Variants in DYM observed in about 807,000 individuals in gnomAD.
DYM encodes the protein dymeclin.
In DYM, 78 loss-of-function variants were observed where a neutral mutation model predicts 93.1. The observed-to-expected ratio is 0.84, with a 90% CI of 0.70 to 1.01. DYM has a LOEUF of 1.01. Among genes scored for constraint, DYM ranks in the 50% least tolerant of loss-of-function variants. DYM has a pLI of 0.00. For missense variants in DYM, 789 were observed against 845.0 expected, an observed-to-expected ratio of 0.93 and a Z score of 0.82; for synonymous variants, 321 against 319.7, an observed-to-expected ratio of 1.00 and a Z score of -0.04.
intron 3 of DYM, among the ~76,000 whole-genome samples, 172 bp from the exon 4 acceptor site, chr18:49,379,930 G>C (rs372316576): frequency 1.3e-5 from 2 of 152,022 alleles, no homozygotes. Flanking sequence ...TGCTGCTCTT[G>C]GTCTTAATTC....
chr18:49,424,490 A>C (rs1290006553), intron 2 of DYM, among the ~76,000 whole-genome samples: 1 of 152,058 alleles, frequency 6.6e-6, no homozygotes, highest in Non-Finnish European at 1.5e-5. Context: ...CTGGCACAGG[A>C]CAGGGATGCC....
chr18:49,173,310 T>C (rs2088981171), intron 14 of DYM, among the ~76,000 whole-genome samples: 1 of 152,118 alleles, frequency 6.6e-6, no homozygotes, highest in Admixed American at 6.6e-5. Flanking sequence ...CTTTGTATAA[T>C]ATTGAATCAA....
chr18:49,358,586 T>C (rs1372851689), intron 6 of DYM, among the ~76,000 whole-genome samples: 1 of 152,216 alleles, frequency 6.6e-6, no homozygotes, highest in Non-Finnish European at 1.5e-5. Context: ...TAGATTAAAT[T>C]ATAATTGACA....
intron 2 of DYM, among the ~76,000 whole-genome samples, chr18:49,392,704 AAAAAAAG>A (rs1342940135): frequency 2.0e-5 from 3 of 147,124 alleles, no homozygotes; most frequent in Admixed American, 2.0e-4. Context: ...AAAAAAAAAA[AAAAAAAG>A]AGGCCAGGCG....
chr18:49,099,063 T>C (rs1382726474), intron 16 of DYM, among the ~76,000 whole-genome samples: 1 of 152,318 alleles, frequency 6.6e-6, no homozygotes, highest in Middle Eastern at 3.4e-3. Context: ...TATGGGTCAA[T>C]CTAACACCTA....
chr18:49,420,771 G>A (rs1475777182), intron 2 of DYM, among the ~76,000 whole-genome samples: 1 of 152,144 alleles, frequency 6.6e-6, no homozygotes, highest in Non-Finnish European at 1.5e-5. Flanking sequence ...GCCAAGGGAA[G>A]CCGTGACAGA....
intron 15 of DYM, among the ~76,000 whole-genome samples, chr18:49,134,722 C>A (rs1464818405): frequency 2.6e-5 from 4 of 152,146 alleles, no homozygotes; most frequent in Non-Finnish European, 5.9e-5. Flanking sequence ...GAATAGATAC[C>A]AAGGACATAA....
intron 6 of DYM, 29 bp from the exon 7 acceptor site, chr18:49,333,882 T>C: frequency 6.3e-7 from 1 of 1,592,046 alleles, no homozygotes; most frequent in Non-Finnish European, 8.6e-7. Flanking sequence ...AGAGTAACAG[T>C]CACTTTGGAA....
At chr18:49,211,421 C>G (rs1180285064) in intron 13 of DYM, among the ~76,000 whole-genome samples, 1 of 152,126 alleles carries the variant, frequency 6.6e-6, no homozygotes, top group Non-Finnish European at 1.5e-5. Context: ...GTGAACATAT[C>G]TGATATGTCT....
chr18:49,156,619 C>G (rs917253443), intron 15 of DYM, among the ~76,000 whole-genome samples: 37 of 151,280 alleles, frequency 2.4e-4, no homozygotes, highest in South Asian at 1.7e-3. Flanking sequence ...ATAGTCCCAG[C>G]TACTTGGGAG....
At chr18:49,298,307 C>T (rs930195274) in intron 8 of DYM, among the ~76,000 whole-genome samples, 11 of 152,250 alleles carry the variant, frequency 7.2e-5, no homozygotes, top group African/African-American at 2.2e-4. Flanking sequence ...TGGCTGGGTG[C>T]GGTGGCTCAT....
At chr18:49,310,380 A>G (rs1346917447) in intron 8 of DYM, among the ~76,000 whole-genome samples, 2 of 152,224 alleles carry the variant, frequency 1.3e-5, no homozygotes, top group Non-Finnish European at 2.9e-5. Context: ...TTACTTTAAT[A>G]AAGTATAAAA....
chr18:49,193,638 A>G (rs1281484035), intron 14 of DYM, among the ~76,000 whole-genome samples: 1 of 152,226 alleles, frequency 6.6e-6, no homozygotes, highest in East Asian at 1.9e-4. Context: ...ACTGAGAATA[A>G]TTCACTAAGC....
At chr18:49,125,879 T>C (rs1243332795) in intron 15 of DYM, among the ~76,000 whole-genome samples, 1 of 152,214 alleles carries the variant, frequency 6.6e-6, no homozygotes. Flanking sequence ...CTCGCCAGTC[T>C]TCAGTCTATT....
rs1254358065 is a variant in DYM, at chr18:49,036,414, G to T, written c.*7641C>A. On this transcript the variant is annotated 3_prime_UTR_variant, in exon 18 of 18. Transcript: ENST00000675505. ...CAAAATCTAAAAACAACTTTAATGA[G>T]GCATACTTAATATATAAAACTGCAC... Among the ~76,000 whole-genome samples, 4 of 150,860 alleles carry T rather than the reference G, an allele frequency of 2.7e-5. No individual in the cohort carries two copies. Among genetic ancestry groups the T allele is most frequent in the African/African-American group, 9.8e-5 (4 of 40,968 alleles).
intron 13 of DYM, among the ~76,000 whole-genome samples, chr18:49,225,029 A>G (rs2093479762): frequency 6.6e-6 from 1 of 152,154 alleles, no homozygotes; most frequent in Admixed American, 6.5e-5. Flanking sequence ...ATTTGGCAAT[A>G]TGGAGGTCAC....
chr18:49,102,307 C>T (rs2080249448), intron 16 of DYM, among the ~76,000 whole-genome samples: 1 of 151,486 alleles, frequency 6.6e-6, no homozygotes, highest in Admixed American at 6.6e-5. Context: ...TGACATGTTA[C>T]AGTTTCATTT....
intron 2 of DYM, among the ~76,000 whole-genome samples, chr18:49,420,257 G>A (rs533738124): frequency 1.2e-3 from 171 of 145,756 alleles, no homozygotes; most frequent in African/African-American, 3.3e-3. Flanking sequence ...AAGCTCTGCC[G>A]CGCGGGTTCA....
intron 14 of DYM, among the ~76,000 whole-genome samples, chr18:49,170,521 C>T (rs2088537925): frequency 1.3e-5 from 2 of 152,048 alleles, no homozygotes; most frequent in South Asian, 4.2e-4. Flanking sequence ...CTGGCTCACA[C>T]CTGTAATCCC....
Sources: allele counts gnomAD v4.1 joint callset (sites outside exome capture counted in the v4.1 genomes callset), GRCh38; gene constraint gnomAD v4.1.1; transcripts MANE v1.5; gene names NCBI Gene and HGNC (gene_info 2026-07-23, HGNC 2026-07-21).